NALF1: variants seen among roughly 807,000 people sequenced by gnomAD.
NALF1 encodes NALCN channel auxiliary factor 1.
In NALF1, 3 loss-of-function variants were observed where a neutral mutation model predicts 48.4. The observed-to-expected ratio is 0.06, with a 90% CI of 0.03 to 0.16. NALF1 has a LOEUF of 0.16. NALF1 is among the 10% of genes least tolerant of loss of function. NALF1 has a pLI of 1.00. For missense variants in NALF1, 526 were observed against 571.5 expected (o/e 0.92, Z 0.81); for synonymous variants, 262 against 245.7 (o/e 1.07, Z -0.62).
At chr13:107,399,427 C>G (rs78595368) in intron 1 of NALF1, among the ~76,000 whole-genome samples, 4,075 of 149,322 alleles carry the variant, frequency 0.027, 72 homozygotes, top group Middle Eastern at 0.058. Flanking sequence ...AAATAAATAT[C>G]TGAAAATAAA....
intron 1 of NALF1, among the ~76,000 whole-genome samples, chr13:107,288,630 C>T (rs1243790295): frequency 6.6e-6 from 1 of 150,674 alleles, no homozygotes; most frequent in East Asian, 2.0e-4. Flanking sequence ...CTCCTCAGTT[C>T]AAGCGATTGT....
At chr13:107,782,982 C>T (rs1297906125) in intron 1 of NALF1, among the ~76,000 whole-genome samples, 1 of 148,296 alleles carries the variant, frequency 6.7e-6, no homozygotes, top group Non-Finnish European at 1.5e-5. Context: ...GGTCAGCCCC[C>T]CGCCCGGCCA....
intron 1 of NALF1, among the ~76,000 whole-genome samples, chr13:107,446,984 A>T (rs967177279): frequency 2.0e-5 from 3 of 152,232 alleles, no homozygotes; most frequent in Non-Finnish European, 2.9e-5. Context: ...CACCTAGCAG[A>T]GTACTTGATA....
chr13:107,714,280 G>C (rs2138521748), intron 1 of NALF1, among the ~76,000 whole-genome samples: 1 of 152,194 alleles, frequency 6.6e-6, no homozygotes, highest in East Asian at 1.9e-4. Flanking sequence ...CAGCGCTGCT[G>C]TCCTTCAGAT....
intron 1 of NALF1, among the ~76,000 whole-genome samples, chr13:107,248,889 C>T (rs1473588321): frequency 3.5e-5 from 5 of 144,746 alleles, no homozygotes; most frequent in African/African-American, 1.1e-4. Context: ...ATAAACAGTA[C>T]AATACAGACA....
intron 2 of NALF1, among the ~76,000 whole-genome samples, chr13:107,186,608 T>C (rs970358064): frequency 1.3e-5 from 2 of 152,134 alleles, no homozygotes; most frequent in African/African-American, 4.8e-5. Context: ...CCTTGTGATC[T>C]GCCCACCTCG....
At chr13:107,475,247 G>A (rs898297955) in intron 1 of NALF1, among the ~76,000 whole-genome samples, 1 of 152,150 alleles carries the variant, frequency 6.6e-6, no homozygotes, top group African/African-American at 2.4e-5. Flanking sequence ...TCAATTCTGC[G>A]TATAGCATTT....
chr13:107,516,516 G>A (rs998047773), intron 1 of NALF1, among the ~76,000 whole-genome samples: 4 of 152,112 alleles, frequency 2.6e-5, no homozygotes, highest in Non-Finnish European at 5.9e-5. Flanking sequence ...CTTTATTAAT[G>A]TATGCTGCTT....
chr13:107,564,986 A>G (rs1383289875), intron 1 of NALF1, among the ~76,000 whole-genome samples: 1 of 145,014 alleles, frequency 6.9e-6, no homozygotes, highest in African/African-American at 2.5e-5. Flanking sequence ...CACTTGAAAC[A>G]TGGGCAGGAA....
intron 1 of NALF1, among the ~76,000 whole-genome samples, chr13:107,819,588 G>A (rs1047331122): frequency 3.0e-4 from 45 of 151,930 alleles, no homozygotes; most frequent in African/African-American, 9.9e-4. Flanking sequence ...CATTGGCCAC[G>A]GAGCAAGGTC....
At chr13:107,719,461 A>G (rs1875920810) in intron 1 of NALF1, among the ~76,000 whole-genome samples, 1 of 152,000 alleles carries the variant, frequency 6.6e-6, no homozygotes, top group Non-Finnish European at 1.5e-5. Flanking sequence ...CACTGACACA[A>G]TCGTGCTTCC....
intron 1 of NALF1, among the ~76,000 whole-genome samples, chr13:107,354,036 C>G (rs1286384515): frequency 6.6e-6 from 1 of 152,192 alleles, no homozygotes; most frequent in Admixed American, 6.5e-5. Flanking sequence ...GAATACTGCT[C>G]TAATTCACGC....
rs187328722 is a variant in NALF1, at chr13:107,420,789, T to G, written c.916-210034A>C. 1.1e-4 allele frequency among the ~76,000 whole-genome samples: 16 copies of G among 152,356 alleles called. No homozygotes were observed. In the East Asian group the frequency reaches 3.1e-3, roughly 29 times the overall value. ...TATGTAATGGTCAAGTCAGAGCTTT[T>G]GGGGTATCCATCACCTGAATAACAT... On this transcript the variant is annotated intron_variant, in intron 1 of 2. Coordinates refer to ENST00000375915, the MANE Select transcript of NALF1 (RefSeq NM_001080396.3).
intron 1 of NALF1, among the ~76,000 whole-genome samples, chr13:107,246,500 T>C (rs1225075031): frequency 6.6e-6 from 1 of 152,210 alleles, no homozygotes; most frequent in Non-Finnish European, 1.5e-5. Flanking sequence ...AAGATCGATT[T>C]TTAAAAAAAG....
At chr13:107,518,155 C>T (rs1262181802) in intron 1 of NALF1, among the ~76,000 whole-genome samples, 1 of 152,110 alleles carries the variant, frequency 6.6e-6, no homozygotes, top group African/African-American at 2.4e-5. Context: ...TTTCTTTTTC[C>T]TGTGAAAATA....
At chr13:107,535,609 C>T (rs1876778924) in intron 1 of NALF1, among the ~76,000 whole-genome samples, 1 of 152,130 alleles carries the variant, frequency 6.6e-6, no homozygotes, top group East Asian at 1.9e-4. Flanking sequence ...ATTCCATGCT[C>T]ATGGATATGA....
intron 1 of NALF1, among the ~76,000 whole-genome samples, chr13:107,631,956 A>C (rs905274056): frequency 1.3e-5 from 2 of 151,662 alleles, no homozygotes; most frequent in Non-Finnish European, 2.9e-5. Flanking sequence ...AAAGATAAAA[A>C]CTCCTACAGG....
chr13:107,814,238 CTCAG>C (rs1879094234), intron 1 of NALF1, among the ~76,000 whole-genome samples: 2 of 152,242 alleles, frequency 1.3e-5, no homozygotes, highest in Middle Eastern at 3.4e-3. Context: ...ATTGTCAACT[CTCAG>C]TCAAAGGTAA....
chr13:107,817,486 C>CATTCACTCT (rs1466356070), intron 1 of NALF1, among the ~76,000 whole-genome samples: 9 of 152,200 alleles, frequency 5.9e-5, no homozygotes. Context: ...ATCTTTAAAT[C>CATTCACTCT]ATTCACTCTA....
Sources: gnomAD v4.1 joint callset for allele counts (sites outside exome capture counted in the v4.1 genomes callset) on GRCh38, gnomAD v4.1.1 for gene constraint, MANE v1.5 for transcripts, NCBI Gene and HGNC (gene_info 2026-07-23, HGNC 2026-07-21) for gene names.